PLG: variants seen among roughly 807,000 people sequenced by gnomAD.
The protein encoded by PLG is plasminogen.
In PLG, 41 loss-of-function variants were observed where a neutral mutation model predicts 104.4. The observed-to-expected ratio is 0.39, with a 90% CI of 0.31 to 0.51. PLG has a LOEUF of 0.51. Among genes scored for constraint, PLG ranks in the 20% least tolerant of loss-of-function variants. The probability of loss-of-function intolerance (pLI) is 0.76; values close to 1 mark genes in which losing one functional copy is unlikely to be tolerated. For missense variants in PLG, 891 were observed against 1,003.6 expected (o/e 0.89, Z 1.52); for synonymous variants, 337 against 357.1 (o/e 0.94, Z 0.63).
intron 2 of PLG, 70 bp from the exon 3 acceptor site, chr6:160,707,630 C>T (rs1002123231): frequency 4.9e-6 from 7 of 1,433,120 alleles, no homozygotes; most frequent in African/African-American, 4.2e-5. Flanking sequence ...GCATGTCTCA[C>T]TTATTAATAA....
rs201754541 is a variant in PLG at position 160,734,745 on chromosome 6, G to GAAA, written c.1681+674_1681+676dup. Reference sequence around the variant, plus strand: ...GAATAACAAATCCATGGGTATTTCTGAAAAAAAAAAAAAAAAAAAGAAAGG... The same window carrying GAAA: ...GAATAACAAATCCATGGGTATTTCTGAAAAAAAAAAAAAAAAAAAAAAGAAAGG... On this transcript the variant is annotated intron_variant, in intron 13 of 18. Coordinates refer to ENST00000308192, the MANE Select transcript of PLG (RefSeq NM_000301.5). This position sits in a 1 kb window ranked among gnomAD's most constrained non-coding sequence, Gnocchi z 4.4. 1.8e-5 allele frequency among the ~76,000 whole-genome samples: 2 copies of GAAA among 113,916 alleles called. No individual in the cohort carries two copies. The highest frequency in any genetic ancestry group is 3.1e-5 in the African/African-American group (1 of 32,176). 74.7% of individuals were successfully genotyped at this position (113,916 alleles called of 152,430 possible).
At chr6:160,703,617 A>G (rs1248962951) in intron 1 of PLG, among the ~76,000 whole-genome samples, 1 of 152,256 alleles carries the variant, frequency 6.6e-6, no homozygotes, top group Admixed American at 6.5e-5. Flanking sequence ...TTTAGAGTCA[A>G]ATACATTTGA....
chr6:160,709,956 T>C (rs1340093151), intron 3 of PLG, among the ~76,000 whole-genome samples: 1 of 152,352 alleles, frequency 6.6e-6, no homozygotes, highest in East Asian at 1.9e-4. Context: ...TTGACACCTT[T>C]TGACGTAGAG....
intron 5 of PLG, 139 bp from the exon 6 acceptor site, chr6:160,714,655 C>T (rs1777700664): frequency 2.9e-6 from 2 of 688,772 alleles, no homozygotes; most frequent in South Asian, 3.6e-5. Flanking sequence ...ATTTTATTGC[C>T]AAGTGCCTGT....
chr6:160,713,634 T>C (rs905010191), intron 5 of PLG, among the ~76,000 whole-genome samples: 28 of 152,194 alleles, frequency 1.8e-4, no homozygotes, highest in Non-Finnish European at 1.6e-4. Context: ...ATCTAAACTC[T>C]AAGTACAAAC....
chr6:160,748,408 GAA>G lies in PLG; in HGVS notation c.2126-3705_2126-3704del, dbSNP rs1180324820. 5.8e-3 allele frequency among the ~76,000 whole-genome samples: 416 copies of G among 72,200 alleles called. 32 individuals are homozygous for G. The highest frequency in any genetic ancestry group is 0.013 in the African/African-American group (249 of 18,912). The allele number at this position is 72,200 out of a possible 152,430, so 47.4% of individuals were successfully genotyped here. On this transcript the variant is annotated intron_variant, in intron 17 of 18. Transcript: ENST00000308192. ...AGAAAGAAAGAAAGAAAGGAAGAAAGAAAGAAAGGGAAAGAAAGAGAACGAAA... is the reference window on the plus strand; with the variant it reads ...AGAAAGAAAGAAAGAAAGGAAGAAAGAGAAAGGGAAAGAAAGAGAACGAAA...
intron 1 of PLG, among the ~76,000 whole-genome samples, chr6:160,704,877 A>G (rs1198812653): frequency 2.0e-5 from 3 of 152,182 alleles, no homozygotes; most frequent in African/African-American, 7.2e-5. Flanking sequence ...GGCCTTTCTG[A>G]GAATGAAAAT....
intron 1 of PLG, chr6:160,706,172 C>G: frequency 1.7e-6 from 1 of 572,084 alleles, no homozygotes; most frequent in Middle Eastern, 5.1e-4. Flanking sequence ...CTTGCTCCCT[C>G]TCTCCCTTCT....
Position 160,731,541 on chromosome 6 carries a change from T to C in PLG, c.1439-204T>C, listed in dbSNP as rs1332757569. Among the ~76,000 whole-genome samples the C allele has an allele frequency of 6.6e-6, 1 of 152,206 alleles. No individual in the cohort carries two copies. The highest frequency in any genetic ancestry group is 1.5e-5 in the Non-Finnish European group (1 of 68,052). On this transcript the variant is annotated intron_variant, in intron 11 of 18. Transcript: ENST00000308192. The surrounding 1 kb of genome is among the most constrained non-coding windows in gnomAD (Gnocchi z 5.1). ...AAATTCGTATTCTATCATGCTGCCA[T>C]ATGTGTGATTCTTTCCAAGCCAGTA... is the stretch of plus-strand genomic sequence containing the variant.
In PLG at chr6:160,731,578, T is replaced by C. The variant is rs1273665090; in HGVS notation, c.1439-167T>C. On this transcript the variant is annotated intron_variant, in intron 11 of 18. Coordinates refer to ENST00000308192, the MANE Select transcript of PLG (RefSeq NM_000301.5). The surrounding 1 kb of genome is among the most constrained non-coding windows in gnomAD (Gnocchi z 5.1). ...TTTCCAAGCCAGTAAGCATCTCCAG[T>C]AATTTCTTAAGGTAGGCAGCGTTCA... 6.6e-6 allele frequency among the ~76,000 whole-genome samples: 1 copy of C among 152,196 alleles called. No homozygotes were observed. Among genetic ancestry groups the C allele is most frequent in the Admixed American group, 6.5e-5 (1 of 15,282 alleles).
chr6:160,738,519 A>T lies in PLG; in HGVS notation c.1803-19A>T. 1 of 1,524,172 alleles carries T rather than the reference A, an allele frequency of 6.6e-7. No individual in the cohort carries two copies. Among genetic ancestry groups the T allele is most frequent in the Non-Finnish European group, 9.1e-7 (1 of 1,097,884 alleles). The allele number at this position is 1,524,172 out of a possible 1,614,324, so 94.4% of individuals were successfully genotyped here. On this transcript the variant is annotated intron_variant, in intron 14 of 18. Transcript: ENST00000308192. The surrounding 1 kb of genome is among the most constrained non-coding windows in gnomAD (Gnocchi z 6.8). ...AAAGTATCAATTTAACTAAAATTTG[A>T]ACTAAATCCTCTTTCCAGGTTTGGA... is the stretch of plus-strand genomic sequence containing the variant.
At position 160,753,132 on chromosome 6, in the gene PLG, G is replaced by C; in HGVS notation, c.*71G>C. 1.1e-6 allele frequency: 1 copy of C among 949,644 alleles called. No homozygotes were observed. The highest frequency in any genetic ancestry group is 1.5e-5 in the South Asian group (1 of 68,910). The allele number at this position is 949,644 out of a possible 1,614,324, so 58.8% of individuals were successfully genotyped here. ...ACGTGGGTAGGGATTTAGCATGCTG[G>C]AAATAACTGGCAGTAATCAAACGAA... On this transcript the variant is annotated 3_prime_UTR_variant, in exon 19 of 19. Coordinates refer to ENST00000308192, the MANE Select transcript of PLG (RefSeq NM_000301.5). The surrounding 1 kb of genome is among the most constrained non-coding windows in gnomAD (Gnocchi z 5.4).
rs574500945 is a variant in PLG, at chr6:160,731,124, G to C, written c.1330G>C (p.Val444Leu). 2 of 1,613,778 alleles carry C rather than the reference G, an allele frequency of 1.2e-6. No individual in the cohort carries two copies. Among genetic ancestry groups the C allele is most frequent in the African/African-American group, 1.3e-5 (1 of 74,894 alleles). ...CTGGTGTTTTACCACAGACCCCAGCGTCAGGTGGGAGTACTGCAACCTGAA... is the reference window on the plus strand; with the variant it reads ...CTGGTGTTTTACCACAGACCCCAGCCTCAGGTGGGAGTACTGCAACCTGAA... Reference protein sequence around the residue: ...GPWCFTTDPSVRWEYCNLKKC... With the variant: ...GPWCFTTDPSLRWEYCNLKKC... Residue 444 changes from valine (V) to leucine (L), a missense_variant, in exon 11 of 19, where the codon GTC becomes CTC. By Grantham distance (32) the Val-to-Leu change is conservative. Around this residue, in one of 2 missense-constraint regions of PLG, gnomAD observed 854 missense variants for 932.1 expected, o/e 0.92. Transcript: ENST00000308192. The surrounding 1 kb of genome is among the most constrained non-coding windows in gnomAD (Gnocchi z 5.1).
At chr6:160,710,994 T>G in intron 3 of PLG, 83 bp from the exon 4 acceptor site, 1 of 1,334,318 alleles carries the variant, frequency 7.5e-7, no homozygotes, top group South Asian at 1.2e-5. Context: ...GCATGAGATC[T>G]TTTTCTCAAC....
chr6:160,725,927 G>C lies in PLG; in HGVS notation c.1256+3360G>C, dbSNP rs546466683. 2.1e-4 allele frequency among the ~76,000 whole-genome samples: 32 copies of C among 152,142 alleles called. No individual in the cohort carries two copies. The highest frequency in any genetic ancestry group is 7.2e-4 in the African/African-American group (30 of 41,434). ...TGCTAAATGGGTTGCACCCTCATAAGAGCCCTTCTGATATATGAAGCAAAC... is the reference window on the plus strand; with the variant it reads ...TGCTAAATGGGTTGCACCCTCATAACAGCCCTTCTGATATATGAAGCAAAC... On this transcript the variant is annotated intron_variant, in intron 10 of 18. Transcript: ENST00000308192. This position sits in a 1 kb window ranked among gnomAD's most constrained non-coding sequence, Gnocchi z 6.3.
rs897560548 is a variant in PLG, at chr6:160,725,085, C to T, written c.1256+2518C>T. 2.6e-5 allele frequency among the ~76,000 whole-genome samples: 4 copies of T among 151,940 alleles called. No homozygotes were observed. Among genetic ancestry groups the T allele is most frequent in the Non-Finnish European group, 5.9e-5 (4 of 67,986 alleles). Reference sequence around the variant, plus strand: ...CAAAAATTAGCTGGGCATGGTGGCACGTGCCTGTAATCCCAGCAACTCAGG... The same window carrying T: ...CAAAAATTAGCTGGGCATGGTGGCATGTGCCTGTAATCCCAGCAACTCAGG... On this transcript the variant is annotated intron_variant, in intron 10 of 18. Coordinates refer to ENST00000308192, the MANE Select transcript of PLG (RefSeq NM_000301.5). This position sits in a 1 kb window ranked among gnomAD's most constrained non-coding sequence, Gnocchi z 6.3.
intron 3 of PLG, chr6:160,708,680 G>A (rs1328157671): frequency 6.6e-6 from 1 of 152,140 alleles, no homozygotes; most frequent in Non-Finnish European, 1.5e-5. Context: ...AAACACCTTA[G>A]TTCTTGTATT....
At chr6:160,730,487 G>A (rs1418644088) in intron 10 of PLG, among the ~76,000 whole-genome samples, 2 of 152,206 alleles carry the variant, frequency 1.3e-5, no homozygotes, top group Non-Finnish European at 2.9e-5. Context: ...ACTATTTTTC[G>A]TGGTTGTTTT....
intron 3 of PLG, among the ~76,000 whole-genome samples, chr6:160,709,014 C>A (rs1202406940): frequency 6.6e-6 from 1 of 151,436 alleles, no homozygotes. Flanking sequence ...CTACAAAATG[C>A]TAACATTTAA....
Sources: allele counts gnomAD v4.1 joint callset (sites outside exome capture counted in the v4.1 genomes callset), GRCh38; gene constraint gnomAD v4.1.1; regional missense constraint gnomAD v4.1.1; non-coding constraint Gnocchi (gnomAD v3.1); transcripts MANE v1.5; gene names NCBI Gene and HGNC (gene_info 2026-07-23, HGNC 2026-07-21).